The following IL1RAP variants were observed in gnomAD, a reference collection of about 807,000 sequenced individuals.
IL1RAP encodes the protein interleukin-1 receptor accessory protein.
Under a neutral mutation model 60.7 loss-of-function variants are expected in IL1RAP, and 35 were observed. The ratio of observed to expected loss-of-function variants is 0.58; its 90% CI spans 0.44 to 0.76. IL1RAP has a LOEUF of 0.76. Among genes scored for constraint, IL1RAP ranks in the 30% least tolerant of loss-of-function variants. IL1RAP has a pLI of 0.00. For missense variants in IL1RAP, 572 were observed against 693.9 expected (o/e 0.82, Z 1.97); for synonymous variants, 268 against 250.9 (o/e 1.07, Z -0.64).
chr3:190,570,596 C>T (rs914724225), intron 3 of IL1RAP, among the ~76,000 whole-genome samples: 2 of 152,064 alleles, frequency 1.3e-5, no homozygotes, highest in East Asian at 1.9e-4. Context: ...GACGGAGCTT[C>T]GCTCTTGTTG....
At chr3:190,578,155 G>A (rs927151563) in intron 3 of IL1RAP, among the ~76,000 whole-genome samples, 8 of 152,016 alleles carry the variant, frequency 5.3e-5, no homozygotes, top group East Asian at 1.9e-4. Flanking sequence ...ACTAACCTGC[G>A]TATGTACCCC....
intron 9 of IL1RAP, among the ~76,000 whole-genome samples, chr3:190,631,126 C>T (rs1206839739): frequency 1.3e-5 from 2 of 152,012 alleles, no homozygotes; most frequent in East Asian, 1.9e-4. Context: ...GGAATATCTG[C>T]GGGAAGTTGG....
In IL1RAP at chr3:190,588,928, G is replaced by A. The variant is rs150884098; in HGVS notation, c.65-15200G>A. 2.6e-3 allele frequency among the ~76,000 whole-genome samples: 399 copies of A among 152,222 alleles called. 1 individual carries two copies. Among genetic ancestry groups the A allele is most frequent in the African/African-American group, 7.9e-3 (329 of 41,542 alleles). On this transcript the variant is annotated intron_variant, in intron 3 of 11. Transcript: ENST00000447382. ...AAGTCCAGTATAAACTCTTATTTTT[G>A]CAGTTGGTTTTATATGCAGAAGTAA...
In IL1RAP at chr3:190,620,357, A is replaced by G; in HGVS notation, c.620A>G (p.Asn207Ser). ...TTCCTCATTGCCTTAATTTCAAATA[A>G]TGGAAATTACACATGTGTTGTTACA... ...LSFLIALISN[N>S]GNYTCVVTYP... is the part of the protein sequence containing the mutation. Residue 207 changes from asparagine to serine, a missense_variant, in exon 6 of 12, where the codon AAT becomes AGT. Physicochemically the swap from Asn to Ser is conservative, Grantham distance 46. Coordinates refer to ENST00000447382, the MANE Select transcript of IL1RAP (RefSeq NM_002182.4). 1 of 1,606,882 alleles carries G rather than the reference A, an allele frequency of 6.2e-7. No individual in the cohort carries two copies. The highest frequency in any genetic ancestry group is 8.5e-7 in the Non-Finnish European group (1 of 1,173,778).
intron 3 of IL1RAP, among the ~76,000 whole-genome samples, chr3:190,577,017 C>T (rs532322773): frequency 2.1e-5 from 3 of 145,966 alleles, no homozygotes; most frequent in South Asian, 2.2e-4. Flanking sequence ...AGGAGAATGG[C>T]GTGAACCCGG....
intron 7 of IL1RAP, 121 bp from the exon 8 acceptor site, chr3:190,627,202 A>G (rs1338481613): frequency 2.6e-6 from 2 of 769,686 alleles, no homozygotes; most frequent in East Asian, 2.7e-5. Flanking sequence ...AGAGAGTAGA[A>G]CCAATATAGC....
intron 3 of IL1RAP, among the ~76,000 whole-genome samples, chr3:190,566,705 C>G (rs968102766): frequency 8.5e-5 from 13 of 152,186 alleles, no homozygotes; most frequent in Admixed American, 8.5e-4. Context: ...TTGTGTCTGA[C>G]AGTGATGCCA....
At chr3:190,592,177 A>C (rs900082475) in intron 3 of IL1RAP, among the ~76,000 whole-genome samples, 11 of 152,020 alleles carry the variant, frequency 7.2e-5, no homozygotes, top group Non-Finnish European at 1.5e-5. Flanking sequence ...GCGCCACCAC[A>C]CCCAGCTAAT....
chr3:190,625,351 T>C (rs1382959916), intron 7 of IL1RAP, among the ~76,000 whole-genome samples: 1 of 152,122 alleles, frequency 6.6e-6, no homozygotes, highest in East Asian at 1.9e-4. Context: ...GGCTGTAACA[T>C]TAAATGTTTA....
intron 1 of IL1RAP, among the ~76,000 whole-genome samples, chr3:190,547,168 A>AG (rs1724445587): frequency 6.6e-6 from 1 of 152,254 alleles, no homozygotes; most frequent in South Asian, 2.1e-4. Context: ...AGTAGATAAT[A>AG]GCACTATAAC....
chr3:190,582,781 T>C (rs1728119741), intron 3 of IL1RAP, among the ~76,000 whole-genome samples: 1 of 152,234 alleles, frequency 6.6e-6, no homozygotes, highest in South Asian at 2.1e-4. Context: ...CCATTATTCT[T>C]AGAATTAAAT....
At chr3:190,642,982 T>C (rs957041001) in intron 9 of IL1RAP, among the ~76,000 whole-genome samples, 8 of 152,192 alleles carry the variant, frequency 5.3e-5, no homozygotes, top group Non-Finnish European at 1.0e-4. Flanking sequence ...AATTTAGTAA[T>C]AGACTTCTAA....
chr3:190,594,557 C>A (rs566238328), intron 3 of IL1RAP, among the ~76,000 whole-genome samples: 2 of 152,318 alleles, frequency 1.3e-5, no homozygotes, highest in African/African-American at 4.8e-5. Context: ...TACCATATGA[C>A]AAATTTCAAA....
chr3:190,628,029 C>T (rs368818171), intron 8 of IL1RAP, among the ~76,000 whole-genome samples: 8 of 151,854 alleles, frequency 5.3e-5, no homozygotes, highest in African/African-American at 1.4e-4. Flanking sequence ...TAACTAAATA[C>T]GTTTGTGTAA....
At chr3:190,533,671 A>G (rs547930148) in intron 1 of IL1RAP, among the ~76,000 whole-genome samples, 1 of 151,976 alleles carries the variant, frequency 6.6e-6, no homozygotes, top group Non-Finnish European at 1.5e-5. Flanking sequence ...CTGTGACCAG[A>G]GCACGTGGGA....
intron 11 of IL1RAP, 29 bp downstream of exon 11, chr3:190,645,871 G>A (rs758286644): frequency 1.9e-6 from 3 of 1,590,226 alleles, no homozygotes; most frequent in Admixed American, 1.7e-5. Context: ...TACAAATGAT[G>A]CTACCTTGAA....
At chr3:190,538,993 T>A (rs1408366925) in intron 1 of IL1RAP, among the ~76,000 whole-genome samples, 1 of 152,156 alleles carries the variant, frequency 6.6e-6, no homozygotes, top group Non-Finnish European at 1.5e-5. Flanking sequence ...ATCTTTCCTT[T>A]AAAAATTACC....
At chr3:190,602,307 A>C (rs1009428374) in intron 3 of IL1RAP, among the ~76,000 whole-genome samples, 6 of 152,186 alleles carry the variant, frequency 3.9e-5, no homozygotes, top group African/African-American at 1.4e-4. Context: ...TTCAACTAGT[A>C]CCTAAAAACT....
chr3:190,564,630 A>G (rs1726208160), intron 3 of IL1RAP: 1 of 381,552 alleles, frequency 2.6e-6, no homozygotes. Context: ...CAACTAGAAT[A>G]TTGCTTTTTT....
Sources: allele counts gnomAD v4.1 joint callset (sites outside exome capture counted in the v4.1 genomes callset), GRCh38; gene constraint gnomAD v4.1.1; transcripts MANE v1.5; gene names NCBI Gene and HGNC (gene_info 2026-07-23, HGNC 2026-07-21).